MYRIP: variants seen among roughly 807,000 people sequenced by gnomAD.
MYRIP encodes the protein rab effector MyRIP.
Under a neutral mutation model 98.0 loss-of-function variants are expected in MYRIP, and 49 were observed. That is an observed-to-expected ratio of 0.50 (90% CI 0.40 to 0.63). The LOEUF (loss-of-function observed/expected upper bound fraction) is 0.63. MYRIP is among the 30% of genes least tolerant of loss of function. The probability of loss-of-function intolerance (pLI) is 0.00; values close to 1 mark genes in which losing one functional copy is unlikely to be tolerated. For missense variants in MYRIP, 1,004 were observed against 1,058.2 expected (o/e 0.95, Z 0.71); for synonymous variants, 404 against 409.5 (o/e 0.99, Z 0.16).
chr3:40,052,394 C>G (rs1947811033), intron 3 of MYRIP, among the ~76,000 whole-genome samples: 1 of 152,108 alleles, frequency 6.6e-6, no homozygotes, highest in African/African-American at 2.4e-5. Flanking sequence ...TTTAGAGATA[C>G]TCCAATGTAT....
intron 1 of MYRIP, among the ~76,000 whole-genome samples, chr3:39,861,082 C>A (rs1942454507): frequency 6.6e-6 from 1 of 152,244 alleles, no homozygotes; most frequent in Non-Finnish European, 1.5e-5. Context: ...TGGCTGGCAC[C>A]ACCCATAAGG....
At chr3:40,180,501 C>T (rs1212169683) in intron 8 of MYRIP, among the ~76,000 whole-genome samples, 1 of 152,212 alleles carries the variant, frequency 6.6e-6, no homozygotes, top group Non-Finnish European at 1.5e-5. Flanking sequence ...AAGCCCATGA[C>T]CACCAGCCCA....
intron 10 of MYRIP, among the ~76,000 whole-genome samples, chr3:40,192,647 C>T (rs905664136): frequency 1.3e-5 from 2 of 152,020 alleles, no homozygotes; most frequent in Non-Finnish European, 2.9e-5. Context: ...AGAGGTGTCA[C>T]CGAGGTGTCA....
chr3:40,162,979 A>G (rs1950429197), intron 5 of MYRIP, 169 bp downstream of exon 5: 2 of 575,600 alleles, frequency 3.5e-6, no homozygotes, highest in Admixed American at 3.3e-5. Context: ...GTATGAATCC[A>G]TCATCAAAAT....
At chr3:39,939,166 C>T (rs942988645) in intron 2 of MYRIP, among the ~76,000 whole-genome samples, 1 of 152,118 alleles carries the variant, frequency 6.6e-6, no homozygotes, top group Non-Finnish European at 1.5e-5. Context: ...TTAAAACTTG[C>T]CAATCCCATT....
At chr3:40,212,517 C>T (rs1240755715) in intron 11 of MYRIP, among the ~76,000 whole-genome samples, 1 of 151,964 alleles carries the variant, frequency 6.6e-6, no homozygotes, top group Non-Finnish European at 1.5e-5. Flanking sequence ...GCCCATAATC[C>T]CAGCACTTTG....
In MYRIP at chr3:39,809,662, C is replaced by A. The variant is rs191632006; in HGVS notation, c.-285C>A. On this transcript the variant is annotated 5_prime_UTR_variant, in exon 1 of 17. Transcript: ENST00000302541. ...GCGCCTCCCTCGCAGCCGCTGCTGC[C>A]GACGCCGCTGCGCTCCCGCCTCCTG... 0.014 allele frequency: 2,145 copies of A among 151,992 alleles called. 29 individuals carry two copies. The highest frequency in any genetic ancestry group is 0.022 in the Non-Finnish European group (1,519 of 67,904). 9.4% of individuals were successfully genotyped at this position (151,992 alleles called of 1,614,324 possible). A position where few individuals can be genotyped will look rare whatever the true frequency, so the allele number is the denominator to read the frequency against.
chr3:39,868,586 A>G (rs1942690729), intron 1 of MYRIP, among the ~76,000 whole-genome samples: 3 of 152,146 alleles, frequency 2.0e-5, no homozygotes, highest in African/African-American at 7.2e-5. Context: ...TTAAAATGCC[A>G]AAATAGAGTA....
intron 3 of MYRIP, among the ~76,000 whole-genome samples, chr3:40,054,184 T>G (rs9842262): frequency 0.29 from 44,248 of 152,026 alleles, 6,519 homozygotes; most frequent in East Asian, 0.36. Flanking sequence ...GCACATGAGG[T>G]GCATGAATTA....
intron 1 of MYRIP, among the ~76,000 whole-genome samples, chr3:39,877,595 GC>G (rs1001951567): frequency 1.3e-3 from 198 of 152,328 alleles, no homozygotes; most frequent in African/African-American, 4.6e-3. Context: ...GTTGGAGTTT[GC>G]TAGAGGTCCA....
chr3:39,826,377 T>C (rs1452562373), intron 1 of MYRIP, among the ~76,000 whole-genome samples: 1 of 152,186 alleles, frequency 6.6e-6, no homozygotes, highest in Non-Finnish European at 1.5e-5. Flanking sequence ...TCTCATTTGT[T>C]TAAAATAATT....
At chr3:39,976,656 C>T (rs543335362) in intron 2 of MYRIP, among the ~76,000 whole-genome samples, 5 of 152,236 alleles carry the variant, frequency 3.3e-5, no homozygotes, top group African/African-American at 9.6e-5. Context: ...AAATGTCCAA[C>T]AATGATAGAG....
rs573217657 is a variant in MYRIP at position 40,138,154 on chromosome 3, G to A, written c.333-12894G>A. ...CTGCCAAGAAATGATGCTGTTGCCC[G>A]CATTGCGGCACATATCCCCTCCTAA... On this transcript the variant is annotated intron_variant, in intron 3 of 16. Coordinates refer to ENST00000302541, the MANE Select transcript of MYRIP (RefSeq NM_015460.4). 9.7e-4 allele frequency among the ~76,000 whole-genome samples: 148 copies of A among 152,344 alleles called. 2 individuals are homozygous for A. The highest frequency in any genetic ancestry group is 3.3e-3 in the African/African-American group (139 of 41,574).
intron 3 of MYRIP, among the ~76,000 whole-genome samples, chr3:40,112,034 T>A (rs1008386283): frequency 2.6e-5 from 4 of 152,152 alleles, no homozygotes; most frequent in African/African-American, 9.7e-5. Flanking sequence ...TATTAAGTAT[T>A]GATGCCCTCA....
chr3:39,825,997 C>A (rs1361525836), intron 1 of MYRIP, among the ~76,000 whole-genome samples: 1 of 151,870 alleles, frequency 6.6e-6, no homozygotes, highest in Non-Finnish European at 1.5e-5. Context: ...CTCTCATGAG[C>A]CTTTGCATTT....
At chr3:40,137,093 T>G (rs1425175463) in intron 3 of MYRIP, among the ~76,000 whole-genome samples, 77 of 147,622 alleles carry the variant, frequency 5.2e-4, no homozygotes, top group African/African-American at 1.8e-3. Flanking sequence ...ATGAATCCAG[T>G]AGCTGGTTTT....
chr3:40,215,665 G>A (rs780974967), intron 11 of MYRIP, among the ~76,000 whole-genome samples: 6 of 152,138 alleles, frequency 3.9e-5, no homozygotes, highest in East Asian at 1.9e-4. Flanking sequence ...TATGTCTGAC[G>A]TTCATAAAAT....
In MYRIP at chr3:40,167,146, C is replaced by T; in HGVS notation, c.649-13C>T. The stretch of plus-strand genomic sequence containing the variant: ...TCCACCCACAGCACACAGCCATTCT[C>T]TTCCCTCCTCAGGACAAGCAAAATG... On this transcript the variant is annotated splice_polypyrimidine_tract_variant and intron_variant, in intron 6 of 16. Transcript: ENST00000302541. 6.2e-7 allele frequency: 1 copy of T among 1,613,926 alleles called. No individual in the cohort carries two copies. The highest frequency in any genetic ancestry group is 2.2e-5 in the East Asian group (1 of 44,880).
intron 2 of MYRIP, among the ~76,000 whole-genome samples, chr3:39,987,622 A>G (rs1946065322): frequency 6.6e-6 from 1 of 152,190 alleles, no homozygotes; most frequent in Non-Finnish European, 1.5e-5. Context: ...ATTCCCACCA[A>G]CGGTGTAAAA....
Sources: allele counts gnomAD v4.1 joint callset (sites outside exome capture counted in the v4.1 genomes callset), GRCh38; gene constraint gnomAD v4.1.1; transcripts MANE v1.5; gene names NCBI Gene and HGNC (gene_info 2026-07-23, HGNC 2026-07-21).